Variants in CRACR2A observed in about 807,000 individuals in gnomAD.
The protein encoded by CRACR2A is EF-hand calcium-binding domain-containing protein 4B.
A neutral mutation model predicts 90.5 loss-of-function variants in CRACR2A; 79 were observed. The observed-to-expected ratio is 0.87, with a 90% CI of 0.73 to 1.05. CRACR2A has a LOEUF of 1.05. CRACR2A is among the 50% of genes least tolerant of loss of function. The probability of loss-of-function intolerance (pLI) is 0.00; values close to 1 mark genes in which losing one functional copy is unlikely to be tolerated. For missense variants in CRACR2A, 823 were observed against 897.2 expected, an observed-to-expected ratio of 0.92 and a Z score of 1.06; for synonymous variants, 338 against 356.7, an observed-to-expected ratio of 0.95 and a Z score of 0.59.
intron 6 of CRACR2A, among the ~76,000 whole-genome samples, chr12:3,678,164 T>C (rs1369032407): frequency 5.3e-5 from 8 of 152,220 alleles, no homozygotes; most frequent in African/African-American, 1.9e-4. Context: ...TCAGGCCCTC[T>C]GTTTGGTTTC....
rs144790255 is a variant in CRACR2A at position 3,695,048 on chromosome 12, C to T, written c.228+1724G>A. 3.6e-3 allele frequency among the ~76,000 whole-genome samples: 551 copies of T among 152,312 alleles called. 6 individuals are homozygous for T. Among genetic ancestry groups the T allele is most frequent in the African/African-American group, 9.6e-3 (400 of 41,556 alleles). On this transcript the variant is annotated intron_variant, in intron 4 of 19. Transcript: ENST00000440314. ...AACTTTATACCTAGTTTCAATTCTC[C>T]ATGCCTCCTCATCCCTTCATTAAAG...
intron 4 of CRACR2A, among the ~76,000 whole-genome samples, chr12:3,689,357 G>A (rs1945616035): frequency 6.6e-6 from 1 of 152,052 alleles, no homozygotes; most frequent in East Asian, 1.9e-4. Context: ...ATTATTTTGA[G>A]GTATGTTCCT....
chr12:3,749,844 G>A (rs1287360667), intron 1 of CRACR2A, among the ~76,000 whole-genome samples: 1 of 138,408 alleles, frequency 7.2e-6, no homozygotes, highest in Non-Finnish European at 1.6e-5. Flanking sequence ...TGTGTGTGTT[G>A]TGTTGGTAGG....
chr12:3,671,236 A>G, intron 7 of CRACR2A, among the ~76,000 whole-genome samples: 1 of 152,156 alleles, frequency 6.6e-6, no homozygotes, highest in South Asian at 2.1e-4. Flanking sequence ...GACTGCAATT[A>G]TCTCCTTAGA....
chr12:3,660,091 G>A (rs1035761648), intron 7 of CRACR2A, among the ~76,000 whole-genome samples: 18 of 152,080 alleles, frequency 1.2e-4, no homozygotes, highest in Admixed American at 4.6e-4. Flanking sequence ...TTCCTGTTCC[G>A]TTTCCTGGTT....
At chr12:3,733,382 C>A (rs1212427117) in intron 1 of CRACR2A, among the ~76,000 whole-genome samples, 172 bp from the exon 2 acceptor site, 2 of 152,222 alleles carry the variant, frequency 1.3e-5, no homozygotes, top group African/African-American at 2.4e-5. Context: ...GGACAGTGAC[C>A]TCCTCCCCAG....
chr12:3,677,546 TCCGTTACGGTG>T (rs1485771572), intron 6 of CRACR2A, among the ~76,000 whole-genome samples: 1 of 152,142 alleles, frequency 6.6e-6, no homozygotes, highest in East Asian at 1.9e-4. Context: ...GCCCCTTCCT[TCCGTTACGGTG>T]CCTCAGCTCA....
At chr12:3,663,074 TA>T (rs960684384) in intron 7 of CRACR2A, among the ~76,000 whole-genome samples, 101 of 152,316 alleles carry the variant, frequency 6.6e-4, no homozygotes, top group African/African-American at 2.4e-3. Context: ...CAATTAATCT[TA>T]AATAGTCCTG....
rs557648607 is a variant in CRACR2A at position 3,621,648 on chromosome 12, CAAAAAAAAAAAAAAAA to C, written c.1933-2292_1933-2277del. 7.5e-4 allele frequency among the ~76,000 whole-genome samples: 11 copies of C among 14,582 alleles called. 1 individual carries two copies. The highest frequency in any genetic ancestry group is 0.011 in the South Asian group (2 of 184). The allele number at this position is 14,582 out of a possible 152,430, so 9.6% of individuals were successfully genotyped here. A position where few individuals can be genotyped will look rare whatever the true frequency, so the allele number is the denominator to read the frequency against. ...CCTCAGTGACAGAGAGAGACTCTGTCAAAAAAAAAAAAAAAAAAAAAAAAAAAAAAAAACCAAAGCA... is the reference window on the plus strand; with the variant it reads ...CCTCAGTGACAGAGAGAGACTCTGTCAAAAAAAAAAAAAAAAACCAAAGCA... On this transcript the variant is annotated intron_variant, in intron 17 of 19. Coordinates refer to ENST00000440314, the MANE Select transcript of CRACR2A (RefSeq NM_001144958.2).
chr12:3,673,355 A>G, intron 7 of CRACR2A, 91 bp downstream of exon 7: 2 of 1,483,758 alleles, frequency 1.3e-6, no homozygotes, highest in Non-Finnish European at 1.8e-6. Flanking sequence ...GCATTGCACG[A>G]TGTTTTGGCA....
chr12:3,696,682 G>C, intron 4 of CRACR2A, 90 bp downstream of exon 4: 1 of 1,558,030 alleles, frequency 6.4e-7, no homozygotes. Context: ...TTTCTGTTAA[G>C]GATGTCACCT....
intron 6 of CRACR2A, among the ~76,000 whole-genome samples, chr12:3,677,860 T>G (rs1269824757): frequency 3.9e-5 from 6 of 152,218 alleles, no homozygotes; most frequent in African/African-American, 7.2e-5. Flanking sequence ...ATCCCTTTCT[T>G]GCCTGGAACA....
intron 2 of CRACR2A, among the ~76,000 whole-genome samples, chr12:3,724,676 A>G (rs241980): frequency 0.27 from 40,562 of 152,214 alleles, 5,543 homozygotes; most frequent in Admixed American, 0.33. Flanking sequence ...AATATCACCC[A>G]GACCGTCTGG....
intron 14 of CRACR2A, 31 bp downstream of exon 14, chr12:3,638,093 G>A (rs1208374582): frequency 8.0e-6 from 12 of 1,507,754 alleles, no homozygotes; most frequent in Middle Eastern, 2.2e-4. Flanking sequence ...TAGAAGTGAT[G>A]TGCATGAACC....
intron 12 of CRACR2A, among the ~76,000 whole-genome samples, chr12:3,643,872 A>ATATATAT (rs3047095): frequency 3.8e-4 from 27 of 70,594 alleles, no homozygotes; most frequent in South Asian, 7.5e-4. Context: ...TATATATATT[A>ATATATAT]TATATATTTA....
At chr12:3,708,047 C>T (rs574114790) in intron 3 of CRACR2A, among the ~76,000 whole-genome samples, 88 of 152,210 alleles carry the variant, frequency 5.8e-4, no homozygotes, top group South Asian at 2.3e-3. Flanking sequence ...ATTCAGATAC[C>T]CTTGAATACT....
chr12:3,688,768 C>T lies in CRACR2A; in HGVS notation c.228+8004G>A, dbSNP rs116919124. ...CATGAATGGCATTGAATGTATAAAT[C>T]GCTTTAGGCAGTATGGCCATTTTAG... On this transcript the variant is annotated intron_variant, in intron 4 of 19. Transcript: ENST00000440314. Among the ~76,000 whole-genome samples the T allele has an allele frequency of 3.0e-3, 452 of 152,248 alleles. 21 individuals are homozygous for T. The East Asian group carries it at 0.072, about 24-fold the overall frequency.
intron 4 of CRACR2A, among the ~76,000 whole-genome samples, chr12:3,683,108 A>C (rs1423577821): frequency 6.6e-6 from 1 of 152,150 alleles, no homozygotes; most frequent in Non-Finnish European, 1.5e-5. Context: ...TAAGTGAGAT[A>C]AGCAGGGTGG....
At chr12:3,696,251 A>G (rs945513438) in intron 4 of CRACR2A, among the ~76,000 whole-genome samples, 13 of 152,258 alleles carry the variant, frequency 8.5e-5, no homozygotes, top group African/African-American at 3.1e-4. Flanking sequence ...CGGGCCCTGC[A>G]CTAGGCAATG....
Sources: gnomAD v4.1 joint callset for allele counts (sites outside exome capture counted in the v4.1 genomes callset) on GRCh38, gnomAD v4.1.1 for gene constraint, MANE v1.5 for transcripts, NCBI Gene and HGNC (gene_info 2026-07-23, HGNC 2026-07-21) for gene names.